The following C12orf42 variants were observed in gnomAD, a reference collection of about 807,000 sequenced individuals.
The protein encoded by C12orf42 is uncharacterized protein C12orf42.
A neutral mutation model predicts 21.6 loss-of-function variants in C12orf42; 25 were observed. The observed-to-expected ratio is 1.16, with a 90% CI of 0.84 to 1.62. C12orf42 has a LOEUF of 1.62. Among genes scored for constraint, C12orf42 ranks in the 40% most tolerant of loss-of-function variants. C12orf42 has a pLI of 0.00. For missense variants in C12orf42, 483 were observed against 459.3 expected (o/e 1.05, Z -0.47); for synonymous variants, 174 against 175.0 (o/e 0.99, Z 0.05).
the C12orf42 span, among the ~76,000 whole-genome samples, chr12:103,105,873 G>T: frequency 2.0e-5 from 3 of 152,134 alleles, no homozygotes; most frequent in Non-Finnish European, 4.4e-5. Context: ...TGAAAGAGAT[G>T]TTAATGACAA....
At chr12:103,280,384 G>A (rs961160051) in intron 4 of C12orf42, among the ~76,000 whole-genome samples, 2 of 152,170 alleles carry the variant, frequency 1.3e-5, no homozygotes, top group Non-Finnish European at 2.9e-5. Context: ...TTGGGAGGCC[G>A]AGGCAGGCAG....
At chr12:103,136,227 C>T in the C12orf42 span, among the ~76,000 whole-genome samples, 2 of 152,042 alleles carry the variant, frequency 1.3e-5, no homozygotes, top group African/African-American at 4.8e-5. Context: ...TATACAAAAT[C>T]GGTAGCATTT....
chr12:103,398,816 C>A (rs1301133983), intron 3 of C12orf42, among the ~76,000 whole-genome samples: 1 of 152,028 alleles, frequency 6.6e-6, no homozygotes. Context: ...TTCAGTTCCA[C>A]GGGCCTACCC....
the C12orf42 span, among the ~76,000 whole-genome samples, chr12:103,513,064 T>C: frequency 6.6e-6 from 1 of 151,584 alleles, no homozygotes; most frequent in Non-Finnish European, 1.5e-5. Context: ...ATTCCACTGC[T>C]CCTCCTTCAG....
the C12orf42 span, among the ~76,000 whole-genome samples, chr12:103,215,746 G>A: frequency 6.6e-6 from 1 of 152,214 alleles, no homozygotes; most frequent in African/African-American, 2.4e-5. Flanking sequence ...TAGCAAAGCT[G>A]ATGCTGTGAT....
chr12:103,219,815 A>G, the C12orf42 span, among the ~76,000 whole-genome samples: 5 of 152,212 alleles, frequency 3.3e-5, no homozygotes, highest in African/African-American at 1.2e-4. Flanking sequence ...TGTTGGTGGA[A>G]GTGTAAATTA....
At chr12:103,222,303 G>A in the C12orf42 span, among the ~76,000 whole-genome samples, 8 of 151,648 alleles carry the variant, frequency 5.3e-5, no homozygotes, top group South Asian at 8.3e-4. Flanking sequence ...GTTCTCTGGC[G>A]GGCAGGAGTG....
the C12orf42 span, among the ~76,000 whole-genome samples, chr12:103,512,595 G>A: frequency 6.6e-6 from 1 of 152,256 alleles, no homozygotes; most frequent in South Asian, 2.1e-4. Context: ...GGCAGAAATT[G>A]TATATCAATT....
chr12:103,261,381 C>CTA (rs1427216443), intron 10 of C12orf42, among the ~76,000 whole-genome samples: 2 of 150,548 alleles, frequency 1.3e-5, no homozygotes, highest in African/African-American at 4.9e-5. Context: ...ACTGGTGAGG[C>CTA]TAAGGCAGGA....
chr12:103,446,224 A>C (rs983250876), intron 2 of C12orf42, among the ~76,000 whole-genome samples: 5 of 152,008 alleles, frequency 3.3e-5, no homozygotes, highest in African/African-American at 1.2e-4. Context: ...CTCCTTAAAC[A>C]AAGCAATTAT....
intron 2 of C12orf42, among the ~76,000 whole-genome samples, chr12:103,407,345 G>A (rs2048499703): frequency 6.6e-6 from 1 of 152,018 alleles, no homozygotes; most frequent in African/African-American, 2.4e-5. Context: ...CAACACATGG[G>A]TTTGAACTGC....
At chr12:103,300,010 T>C (rs902367459), downstream of C12orf42, among the ~76,000 whole-genome samples, 1 of 152,184 alleles carries the variant, frequency 6.6e-6, no homozygotes, top group Non-Finnish European at 1.5e-5. Flanking sequence ...CTCAAAGTGC[T>C]CTCTCTTTAG....
At chr12:103,357,739 C>T (rs566308916) in intron 4 of C12orf42, among the ~76,000 whole-genome samples, 2 of 152,132 alleles carry the variant, frequency 1.3e-5, no homozygotes, top group South Asian at 4.2e-4. Context: ...CAGCCAGGTG[C>T]TATATTTGCT....
At chr12:103,050,834 T>G in the C12orf42 span, among the ~76,000 whole-genome samples, 1 of 152,142 alleles carries the variant, frequency 6.6e-6, no homozygotes, top group Admixed American at 6.6e-5. Context: ...TTCAAACCTC[T>G]AGGTAATTAA....
the C12orf42 span, among the ~76,000 whole-genome samples, chr12:103,170,360 CT>C: frequency 1.3e-5 from 2 of 152,150 alleles, no homozygotes; most frequent in Non-Finnish European, 2.9e-5. Context: ...TCCTCTGGAA[CT>C]TTCTCCTCCT....
At chr12:103,239,738 A>G (rs549003108) in intron 10 of C12orf42, among the ~76,000 whole-genome samples, 1 of 152,082 alleles carries the variant, frequency 6.6e-6, no homozygotes. Context: ...GTGTGCATGA[A>G]TAGGTATTGA....
the C12orf42 span, among the ~76,000 whole-genome samples, chr12:103,507,142 TATAATATAAATA>T: frequency 0.011 from 219 of 20,574 alleles, 9 homozygotes; most frequent in African/African-American, 0.019. Flanking sequence ...ATATTATATA[TATAATATAAATA>T]TATATATATA....
At chr12:103,416,290 G>A (rs896182771) in intron 2 of C12orf42, among the ~76,000 whole-genome samples, 6 of 151,964 alleles carry the variant, frequency 3.9e-5, no homozygotes, top group Non-Finnish European at 7.4e-5. Context: ...GGTGAAGCTC[G>A]CAAAATCTGA....
At chr12:103,267,042 A>T (rs1480693469), downstream of C12orf42, among the ~76,000 whole-genome samples, 2 of 152,162 alleles carry the variant, frequency 1.3e-5, no homozygotes, top group Non-Finnish European at 2.9e-5. Context: ...GCAAAGCAGA[A>T]GCAGTGGGCA....
Sources: allele counts gnomAD v4.1 joint callset (sites outside exome capture counted in the v4.1 genomes callset), GRCh38; gene constraint gnomAD v4.1.1; transcripts MANE v1.5; gene names NCBI Gene and HGNC (gene_info 2026-07-23, HGNC 2026-07-21).